PLCB1: variants seen among roughly 807,000 people sequenced by gnomAD.
PLCB1 encodes 1-phosphatidylinositol 4,5-bisphosphate phosphodiesterase beta-1.
In PLCB1, 46 loss-of-function variants were observed where a neutral mutation model predicts 161.8. The ratio of observed to expected loss-of-function variants is 0.28; its 90% confidence interval spans 0.22 to 0.36. The LOEUF (loss-of-function observed/expected upper bound fraction) is 0.36. Among genes scored for constraint, PLCB1 ranks in the 10% least tolerant of loss-of-function variants. The pLI is 1.00. For synonymous variants in PLCB1, 517 were observed against 503.7 expected, an observed-to-expected ratio of 1.03 and a Z score of -0.35; for missense variants, 1,016 against 1,472.5, an observed-to-expected ratio of 0.69 and a Z score of 5.07.
At chr20:8,208,836 A>G (rs945168229) in intron 2 of PLCB1, among the ~76,000 whole-genome samples, 2 of 152,132 alleles carry the variant, frequency 1.3e-5, no homozygotes, top group Admixed American at 6.6e-5. Context: ...AGTGTGCAAA[A>G]TATTTTATTT....
intron 31 of PLCB1, among the ~76,000 whole-genome samples, chr20:8,873,423 G>A (rs1054569067): frequency 4.6e-5 from 7 of 152,006 alleles, no homozygotes; most frequent in African/African-American, 7.2e-5. Context: ...AGTAATTCTC[G>A]TAAAATTGTC....
intron 3 of PLCB1, among the ~76,000 whole-genome samples, chr20:8,386,090 A>G (rs1987418088): frequency 6.6e-6 from 1 of 152,186 alleles, no homozygotes; most frequent in Non-Finnish European, 1.5e-5. Context: ...CTGAAGTCAA[A>G]GTCGTCCATG....
At chr20:8,353,090 G>A (rs1568643233) in intron 2 of PLCB1, among the ~76,000 whole-genome samples, 1 of 151,954 alleles carries the variant, frequency 6.6e-6, no homozygotes, top group African/African-American at 2.4e-5. Context: ...AAGGAACTAG[G>A]GCTCTTGGAG....
chr20:8,765,917 G>C lies in PLCB1; in HGVS notation c.2930+559G>C, dbSNP rs113986200. ...TGGTCTTGAACTCCTGGCCTCAAGCGATCTGCCTGCCTCGGCCTCCCAAAG... is the reference window on the plus strand; with the variant it reads ...TGGTCTTGAACTCCTGGCCTCAAGCCATCTGCCTGCCTCGGCCTCCCAAAG... On this transcript the variant is annotated intron_variant, in intron 26 of 31. Coordinates refer to ENST00000338037, the MANE Select transcript of PLCB1 (RefSeq NM_015192.4). Among the ~76,000 whole-genome samples the C allele has an allele frequency of 2.3e-3, 355 of 152,220 alleles. 1 individual carries two copies. The highest frequency in any genetic ancestry group is 8.0e-3 in the African/African-American group (332 of 41,528).
At chr20:8,552,217 G>T (rs933013737) in intron 3 of PLCB1, among the ~76,000 whole-genome samples, 12 of 152,186 alleles carry the variant, frequency 7.9e-5, no homozygotes, top group African/African-American at 2.9e-4. Context: ...TGGTGTGCTT[G>T]CTATGTGAAT....
intron 31 of PLCB1, among the ~76,000 whole-genome samples, chr20:8,863,500 G>T (rs1987324223): frequency 6.6e-6 from 1 of 152,132 alleles, no homozygotes; most frequent in Admixed American, 6.5e-5. Flanking sequence ...AGATGACTGG[G>T]CTCCCACCCC....
intron 31 of PLCB1, among the ~76,000 whole-genome samples, chr20:8,798,881 A>C (rs1452754906): frequency 7.2e-6 from 1 of 139,356 alleles, no homozygotes; most frequent in Non-Finnish European, 1.6e-5. Flanking sequence ...AGTAAAAATC[A>C]GAAAATGTTT....
chr20:8,374,067 T>C (rs531528333), intron 3 of PLCB1, among the ~76,000 whole-genome samples: 31 of 152,110 alleles, frequency 2.0e-4, no homozygotes, highest in African/African-American at 7.0e-4. Flanking sequence ...AAGGTTCTGG[T>C]AGGGGTTCTG....
chr20:8,400,205 A>G (rs1978488078), intron 3 of PLCB1, among the ~76,000 whole-genome samples: 1 of 152,164 alleles, frequency 6.6e-6, no homozygotes. Context: ...GAGGAGGGTG[A>G]GAACTGTCAG....
At chr20:8,500,327 A>G (rs190854782) in intron 3 of PLCB1, among the ~76,000 whole-genome samples, 1 of 152,362 alleles carries the variant, frequency 6.6e-6, no homozygotes, top group East Asian at 1.9e-4. Flanking sequence ...TACAGCCAAT[A>G]CCACATACAT....
chr20:8,816,115 G>A (rs1244860724), intron 31 of PLCB1, among the ~76,000 whole-genome samples: 1 of 150,266 alleles, frequency 6.7e-6, no homozygotes, highest in Non-Finnish European at 1.5e-5. Context: ...CAAATGGGAA[G>A]GAACTGATCT....
intron 3 of PLCB1, among the ~76,000 whole-genome samples, chr20:8,398,845 G>A (rs891838641): frequency 6.6e-6 from 1 of 150,868 alleles, no homozygotes; most frequent in African/African-American, 2.4e-5. Context: ...AGGAGAATTA[G>A]CTCTCTATCG....
chr20:8,352,653 G>C (rs1301585709), intron 2 of PLCB1, among the ~76,000 whole-genome samples: 2 of 152,066 alleles, frequency 1.3e-5, no homozygotes, highest in African/African-American at 4.8e-5. Context: ...GGAGGAAGTT[G>C]CTAACTGAAG....
chr20:8,776,834 G>A (rs1600318427), intron 27 of PLCB1, among the ~76,000 whole-genome samples: 1 of 152,158 alleles, frequency 6.6e-6, no homozygotes, highest in East Asian at 1.9e-4. Context: ...TAGTATGTTA[G>A]GTAGTAATAA....
chr20:8,351,319 A>G (rs1986169417), intron 2 of PLCB1, among the ~76,000 whole-genome samples: 1 of 152,140 alleles, frequency 6.6e-6, no homozygotes, highest in African/African-American at 2.4e-5. Flanking sequence ...TAGAGTTCAT[A>G]CTTTACAAAA....
At chr20:8,707,056 T>C (rs1177671152) in intron 11 of PLCB1, among the ~76,000 whole-genome samples, 1 of 152,206 alleles carries the variant, frequency 6.6e-6, no homozygotes, top group Non-Finnish European at 1.5e-5. Context: ...TTGCTTGCCT[T>C]TTATAGTGCT....
intron 2 of PLCB1, among the ~76,000 whole-genome samples, chr20:8,355,796 G>A (rs1986345821): frequency 6.6e-6 from 1 of 152,078 alleles, no homozygotes; most frequent in Non-Finnish European, 1.5e-5. Context: ...GTATAATGGG[G>A]GCACTTAACC....
At chr20:8,601,132 T>C (rs1028633415) in intron 3 of PLCB1, among the ~76,000 whole-genome samples, 6 of 151,300 alleles carry the variant, frequency 4.0e-5, no homozygotes, top group African/African-American at 1.5e-4. Flanking sequence ...TCCCCCTGTC[T>C]ATACAAAATA....
At chr20:8,755,366 T>C (rs1981687992) in intron 23 of PLCB1, among the ~76,000 whole-genome samples, 1 of 152,164 alleles carries the variant, frequency 6.6e-6, no homozygotes. Flanking sequence ...TCCAAAAGAC[T>C]TCTGGAAAAA....
Sources: gnomAD v4.1 joint callset for allele counts (sites outside exome capture counted in the v4.1 genomes callset) on GRCh38, gnomAD v4.1.1 for gene constraint, MANE v1.5 for transcripts, NCBI Gene and HGNC (gene_info 2026-07-23, HGNC 2026-07-21) for gene names.